Variants in RUVBL1 observed in about 807,000 individuals in gnomAD.
RUVBL1 encodes ruvB-like 1.
Under a neutral mutation model 52.4 loss-of-function variants are expected in RUVBL1, and 4 were observed. That is an observed-to-expected ratio of 0.08 (90% CI 0.04 to 0.17). The LOEUF is 0.17. Ranked by LOEUF, RUVBL1 falls within the 10% of genes least tolerant of loss-of-function variation. RUVBL1 has a pLI of 1.00. For synonymous variants in RUVBL1, 217 were observed against 214.4 expected (o/e 1.01, Z -0.10); for missense variants, 298 against 572.8 (o/e 0.52, Z 4.90).
At chr3:128,118,514 C>G (rs1301891511) in intron 2 of RUVBL1, among the ~76,000 whole-genome samples, 1 of 152,204 alleles carries the variant, frequency 6.6e-6, no homozygotes, top group Non-Finnish European at 1.5e-5. Context: ...TTTTCACACA[C>G]AACCCCAAGC....
At chr3:128,131,401 C>T (rs1943873703) in intron 1 of RUVBL1, among the ~76,000 whole-genome samples, 2 of 152,120 alleles carry the variant, frequency 1.3e-5, no homozygotes, top group South Asian at 4.1e-4. Flanking sequence ...TCACTTGAAC[C>T]TGGGAGGTGG....
rs150247734 is a variant in RUVBL1, at chr3:128,104,810, A to G, written c.476T>C (p.Ile159Thr). Residue 159 changes from isoleucine (I) to threonine (T), a missense_variant, in exon 4 of 11, where the codon ATA becomes ACA. Physicochemically the swap from Ile to Thr is moderately conservative, Grantham distance 89 (BLOSUM62 -1). Transcript: ENST00000322623. The stretch of plus-strand genomic sequence containing the variant: ...GGTTCCTTTGGCTGTTTTGAGTCCT[A>G]TGATCACATGGCTAATGGTTTTGCC... Reference protein sequence around the residue: ...GYGKTISHVIIGLKTAKGTKQ... With the variant: ...GYGKTISHVITGLKTAKGTKQ... 6 of 1,612,882 alleles carry G rather than the reference A, an allele frequency of 3.7e-6. No homozygotes were observed. Among genetic ancestry groups the G allele is most frequent in the Middle Eastern group, 3.3e-4 (2 of 6,080 alleles).
chr3:128,111,976 T>C (rs2107705973), intron 3 of RUVBL1, among the ~76,000 whole-genome samples: 1 of 152,324 alleles, frequency 6.6e-6, no homozygotes, highest in African/African-American at 2.4e-5. Context: ...AGTAGCCTTG[T>C]TTTTAAGAGT....
chr3:128,105,067 T>A, intron 3 of RUVBL1, 143 bp from the exon 4 acceptor site: 1 of 738,172 alleles, frequency 1.4e-6, no homozygotes, highest in South Asian at 2.6e-5. Flanking sequence ...AAAAAGGCAA[T>A]ACAAACATAT....
At position 128,067,962 on chromosome 3, in the gene RUVBL1, T is replaced by TC. The variant is rs35146500; in HGVS notation, c.940-2743dup. 5.0e-6 allele frequency: 8 copies of TC among 1,610,584 alleles called. No individual in the cohort carries two copies. The highest frequency in any genetic ancestry group is 5.9e-6 in the Non-Finnish European group (7 of 1,177,072). On this transcript the variant is annotated intron_variant, in intron 9 of 9. Coordinates refer to the RUVBL1 transcript ENST00000464873. This position sits in a 1 kb window ranked among gnomAD's most constrained non-coding sequence, Gnocchi z 4.1. ...CCCTTCAGCCTCCAATTCCAACTTC[T>TC]CCCCTGTGGGCACCCTGCAGGTTGC...
chr3:128,138,193 C>T (rs1377303315), intron 1 of RUVBL1, among the ~76,000 whole-genome samples: 1 of 152,018 alleles, frequency 6.6e-6, no homozygotes, highest in African/African-American at 2.4e-5. Context: ...CTAGCTAGAG[C>T]AATCAGACAA....
At chr3:128,142,320 T>A (rs961995787) in intron 1 of RUVBL1, among the ~76,000 whole-genome samples, 2 of 152,166 alleles carry the variant, frequency 1.3e-5, no homozygotes, top group African/African-American at 2.4e-5. Context: ...AGGGCAGGCA[T>A]TGAGGTCTCT....
intron 4 of RUVBL1, 148 bp downstream of exon 4, chr3:128,104,625 C>T (rs1576460823): frequency 1.6e-6 from 1 of 623,308 alleles, no homozygotes; most frequent in Non-Finnish European, 2.7e-6. Flanking sequence ...CCGCTTTATA[C>T]ACACAATATC....
chr3:128,071,903 T>A (rs972782382), intron 9 of RUVBL1, among the ~76,000 whole-genome samples: 1 of 152,334 alleles, frequency 6.6e-6, no homozygotes, highest in African/African-American at 2.4e-5. Flanking sequence ...TGCAGGGCTC[T>A]GCCCGTGAGG....
intron 1 of RUVBL1, among the ~76,000 whole-genome samples, chr3:128,138,040 C>T (rs974508721): frequency 6.6e-6 from 1 of 152,112 alleles, no homozygotes; most frequent in Non-Finnish European, 1.5e-5. Context: ...AAGGAACCTA[C>T]CTCAACACAA....
intron 8 of RUVBL1, among the ~76,000 whole-genome samples, chr3:128,092,770 G>A (rs1942875013): frequency 6.6e-6 from 1 of 152,228 alleles, no homozygotes; most frequent in Non-Finnish European, 1.5e-5. Flanking sequence ...TGATGCAGCT[G>A]GCTTTGGAAA....
At chr3:128,073,400 A>T (rs1191825066) in intron 9 of RUVBL1, among the ~76,000 whole-genome samples, 2 of 152,188 alleles carry the variant, frequency 1.3e-5, no homozygotes, top group African/African-American at 4.8e-5. Context: ...GTCCTCAGGA[A>T]GGCTGGGATG....
At chr3:128,138,933 G>A (rs1943982480) in intron 1 of RUVBL1, among the ~76,000 whole-genome samples, 1 of 152,046 alleles carries the variant, frequency 6.6e-6, no homozygotes, top group Admixed American at 6.6e-5. Flanking sequence ...TTAGACAAAG[G>A]TGCCAAGAAC....
chr3:128,096,820 CTGT>C lies in RUVBL1; in HGVS notation c.1016+477_1016+479del. On this transcript the variant is annotated intron_variant, in intron 8 of 10. Transcript: ENST00000322623. ...CCAGCCTGGGCGACACAGTGAGACTCTGTCCCCAAAAAAAAAAAGAAAGAAAAT... is the reference window on the plus strand; with the variant it reads ...CCAGCCTGGGCGACACAGTGAGACTCCCCCAAAAAAAAAAAGAAAGAAAAT... Among the ~76,000 whole-genome samples, 2 of 151,284 alleles carry C rather than the reference CTGT, an allele frequency of 1.3e-5. 1 individual carries two copies. Among genetic ancestry groups the C allele is most frequent in the South Asian group, 4.2e-4 (2 of 4,804 alleles).
At chr3:128,064,794 T>A (rs1024387938) in exon 10 of RUVBL1, 21 of 1,300,284 alleles carry the variant, frequency 1.6e-5, no homozygotes, top group Non-Finnish European at 2.1e-5. Flanking sequence ...TGTTTTCCTC[T>A]TTTTATTTGT....
chr3:128,115,427 G>C (rs1943500238), intron 2 of RUVBL1, among the ~76,000 whole-genome samples: 1 of 152,204 alleles, frequency 6.6e-6, no homozygotes, highest in African/African-American at 2.4e-5. Context: ...GAGTGGAAAT[G>C]CATATGAACC....
chr3:128,145,475 T>G (rs116600777), intron 1 of RUVBL1, among the ~76,000 whole-genome samples: 1 of 152,166 alleles, frequency 6.6e-6, no homozygotes, highest in Admixed American at 6.5e-5. Context: ...GACATGGAGG[T>G]AGCCAATCCA....
At chr3:128,127,096 T>A (rs1175278431), upstream of RUVBL1, among the ~76,000 whole-genome samples, 2 of 152,202 alleles carry the variant, frequency 1.3e-5, no homozygotes, top group East Asian at 3.8e-4. Context: ...CAGGCTGGTC[T>A]TCTTTGTTAC....
rs374849175 is a variant in RUVBL1, at chr3:128,064,917, G to C, written c.*295C>G. 14 of 1,613,506 alleles carry C rather than the reference G, an allele frequency of 8.7e-6. No homozygotes were observed. In the East Asian group the frequency reaches 1.1e-4, roughly 13 times the overall value. ...GTGCTATCATCGCACTTTTCCATCT[G>C]CTGGCCACACGCACAGACAAGGTCC... On this transcript the variant is annotated 3_prime_UTR_variant, in exon 10 of 10. Transcript: ENST00000464873.
Sources: allele counts gnomAD v4.1 joint callset (sites outside exome capture counted in the v4.1 genomes callset), GRCh38; gene constraint gnomAD v4.1.1; non-coding constraint Gnocchi (gnomAD v3.1); transcripts MANE v1.5; gene names NCBI Gene and HGNC (gene_info 2026-07-23, HGNC 2026-07-21).